Variants in CNOT4 observed in about 807,000 individuals in gnomAD.
CNOT4 encodes CCR4-NOT transcription complex subunit 4.
CNOT4 carries 8 observed loss-of-function variants against 73.8 expected under a neutral mutation model. That is an observed-to-expected ratio of 0.11 (90% confidence interval 0.06 to 0.20). CNOT4 has a LOEUF of 0.20. CNOT4 is among the 10% of genes least tolerant of loss of function. The pLI is 1.00. For synonymous variants in CNOT4, 293 were observed against 321.1 expected, an observed-to-expected ratio of 0.91 and a Z score of 0.94; for missense variants, 564 against 883.4, an observed-to-expected ratio of 0.64 and a Z score of 4.58.
intron 10 of CNOT4, among the ~76,000 whole-genome samples, chr7:135,374,441 A>T (rs1795405313): frequency 6.6e-6 from 1 of 151,874 alleles, no homozygotes; most frequent in Non-Finnish European, 1.5e-5. Context: ...CATGGATAAC[A>T]GCAGTGTTTA....
At chr7:135,394,483 T>C (rs1796574315) in intron 9 of CNOT4, 68 bp from the exon 10 acceptor site, 1 of 1,286,412 alleles carries the variant, frequency 7.8e-7, no homozygotes, top group Non-Finnish European at 1.1e-6. Context: ...TAAGTATCCA[T>C]GCTACTGAAA....
intron 1 of CNOT4, among the ~76,000 whole-genome samples, chr7:135,501,929 GA>G (rs1268328129): frequency 9.2e-5 from 14 of 152,212 alleles, no homozygotes; most frequent in Admixed American, 5.2e-4. Context: ...GCCATTAAAA[GA>G]GGTGATTAGG....
At chr7:135,476,298 G>A (rs984599809) in intron 1 of CNOT4, among the ~76,000 whole-genome samples, 1 of 152,114 alleles carries the variant, frequency 6.6e-6, no homozygotes, top group Non-Finnish European at 1.5e-5. Flanking sequence ...CGTCAGCCCA[G>A]ACAACTGATA....
At chr7:135,505,918 C>T (rs1281246162) in intron 1 of CNOT4, among the ~76,000 whole-genome samples, 1 of 152,060 alleles carries the variant, frequency 6.6e-6, no homozygotes, top group Non-Finnish European at 1.5e-5. Context: ...GTCCACATAA[C>T]AAGATTAAAA....
chr7:135,423,480 A>AC (rs966541630), intron 2 of CNOT4, among the ~76,000 whole-genome samples: 1 of 152,086 alleles, frequency 6.6e-6, no homozygotes, highest in African/African-American at 2.4e-5. Context: ...TTAAAAAAAA[A>AC]AAAAACCTCT....
At chr7:135,395,611 T>C (rs761804573) in intron 9 of CNOT4, 23 bp downstream of exon 9, 4 of 1,602,460 alleles carry the variant, frequency 2.5e-6, no homozygotes, top group East Asian at 2.2e-5. Context: ...TAATTACTAA[T>C]ACTTGGTACT....
At chr7:135,412,991 G>A (rs558308059) in intron 6 of CNOT4, among the ~76,000 whole-genome samples, 1 of 152,120 alleles carries the variant, frequency 6.6e-6, no homozygotes, top group Admixed American at 6.6e-5. Flanking sequence ...ACACTTGCAT[G>A]GGGAGAATAA....
At chr7:135,406,050 G>C (rs1797264573) in intron 7 of CNOT4, among the ~76,000 whole-genome samples, 1 of 152,146 alleles carries the variant, frequency 6.6e-6, no homozygotes, top group East Asian at 1.9e-4. Context: ...TATGACCTTG[G>C]AAAGAGTTAC....
intron 1 of CNOT4, among the ~76,000 whole-genome samples, chr7:135,482,474 T>C (rs1469979023): frequency 1.3e-5 from 2 of 152,042 alleles, no homozygotes; most frequent in Non-Finnish European, 2.9e-5. Context: ...AAGGATCGCT[T>C]GGACCTGGGA....
intron 2 of CNOT4, among the ~76,000 whole-genome samples, chr7:135,429,268 T>C (rs2129484869): frequency 6.6e-6 from 1 of 152,304 alleles, no homozygotes; most frequent in East Asian, 1.9e-4. Flanking sequence ...TTCCTATGAT[T>C]TCCATTTGCC....
intron 1 of CNOT4, among the ~76,000 whole-genome samples, chr7:135,440,958 T>C (rs1474844998): frequency 6.6e-6 from 1 of 151,856 alleles, no homozygotes; most frequent in African/African-American, 2.4e-5. Context: ...ATACTGTCCA[T>C]CTGTCCATTA....
At chr7:135,464,024 C>CAAAAAAAAAAA (rs747402254) in intron 1 of CNOT4, among the ~76,000 whole-genome samples, 13 of 109,634 alleles carry the variant, frequency 1.2e-4, no homozygotes, top group African/African-American at 1.7e-4. Flanking sequence ...ATTAAAAAGT[C>CAAAAAAAAAAA]AAAAAAAAAA....
intron 7 of CNOT4, among the ~76,000 whole-genome samples, chr7:135,406,420 GAGGCCAAGGC>G (rs1013407856): frequency 6.6e-6 from 1 of 150,988 alleles, no homozygotes; most frequent in African/African-American, 2.4e-5. Context: ...AGCTCTTTGG[GAGGCCAAGGC>G]AGGCGAATCG....
At chr7:135,423,830 T>C (rs1798327374) in intron 2 of CNOT4, among the ~76,000 whole-genome samples, 1 of 152,256 alleles carries the variant, frequency 6.6e-6, no homozygotes, top group Middle Eastern at 3.4e-3. Flanking sequence ...CTCCAACTTA[T>C]TTGTGAGTGG....
chr7:135,377,722 A>T (rs1184906251), intron 10 of CNOT4, among the ~76,000 whole-genome samples: 1 of 152,200 alleles, frequency 6.6e-6, no homozygotes, highest in Non-Finnish European at 1.5e-5. Context: ...GCCGTAGTTT[A>T]AAAATCATTT....
chr7:135,408,410 T>C (rs1174556526), intron 7 of CNOT4, among the ~76,000 whole-genome samples: 5 of 152,214 alleles, frequency 3.3e-5, no homozygotes, highest in South Asian at 2.1e-4. Flanking sequence ...TAATGGTTTA[T>C]AGGCATTCGC....
At chr7:135,394,754 T>A (rs1004494888) in intron 9 of CNOT4, among the ~76,000 whole-genome samples, 1 of 152,224 alleles carries the variant, frequency 6.6e-6, no homozygotes, top group Non-Finnish European at 1.5e-5. Context: ...TAACAGATTT[T>A]AATTAGTAAA....
intron 1 of CNOT4, among the ~76,000 whole-genome samples, chr7:135,443,740 T>G (rs943254068): frequency 6.6e-6 from 1 of 152,220 alleles, no homozygotes; most frequent in Non-Finnish European, 1.5e-5. Flanking sequence ...ATGTAGTAAG[T>G]ACACAAAATA....
intron 2 of CNOT4, among the ~76,000 whole-genome samples, chr7:135,437,601 T>C (rs1799233705): frequency 1.3e-5 from 2 of 152,236 alleles, no homozygotes; most frequent in Admixed American, 1.3e-4. Context: ...GGACAAGTTA[T>C]CTAAGCTCCT....
Sources: allele counts gnomAD v4.1 joint callset (sites outside exome capture counted in the v4.1 genomes callset), GRCh38; gene constraint gnomAD v4.1.1; transcripts MANE v1.5; gene names NCBI Gene and HGNC (gene_info 2026-07-23, HGNC 2026-07-21).